Variants in TEAD4 observed in about 807,000 individuals in gnomAD.
TEAD4 encodes the protein transcriptional enhancer factor TEF-3.
TEAD4 carries 36 observed loss-of-function variants against 52.4 expected under a neutral mutation model. The ratio of observed to expected loss-of-function variants is 0.69; its 90% CI spans 0.53 to 0.91. TEAD4 has a LOEUF of 0.91. Among genes scored for constraint, TEAD4 ranks in the 40% least tolerant of loss-of-function variants. The probability of loss-of-function intolerance (pLI) is 0.00; values close to 1 mark genes in which losing one functional copy is unlikely to be tolerated. For synonymous variants in TEAD4, 220 were observed against 231.0 expected, an observed-to-expected ratio of 0.95 and a Z score of 0.43; for missense variants, 508 against 583.9, an observed-to-expected ratio of 0.87 and a Z score of 1.34.
In TEAD4 at chr12:3,035,641, G is replaced by A. The variant is rs111335237; in HGVS notation, c.898-2327G>A. 4.3e-3 allele frequency among the ~76,000 whole-genome samples: 656 copies of A among 152,120 alleles called. 7 individuals carry two copies. The highest frequency in any genetic ancestry group is 0.015 in the African/African-American group (603 of 41,500). On this transcript the variant is annotated intron_variant, in intron 10 of 12. Transcript: ENST00000359864. The stretch of plus-strand genomic sequence containing the variant: ...GTTTGAGACCAGCCTAGGAAACAGC[G>A]AGACCCTGCCTCTACAAAAAATTTA...
chr12:3,011,128 C>T, intron 4 of TEAD4, 60 bp downstream of exon 4: 6 of 1,589,320 alleles, frequency 3.8e-6, no homozygotes, highest in Non-Finnish European at 5.2e-6. Flanking sequence ...AGTCTGCTCC[C>T]AAGGTGGGCC....
At position 3,009,252 on chromosome 12, in the gene TEAD4, A is replaced by G. The variant is rs542661379; in HGVS notation, c.227-1752A>G. 6.6e-5 allele frequency among the ~76,000 whole-genome samples: 10 copies of G among 152,150 alleles called. No homozygotes were observed. The East Asian group carries it at 1.7e-3, about 27-fold the overall frequency. ...AGACCAGCCTGGCCAACATGGTGAA[A>G]CTCTGCCTCTACTTAAAATACAAAA... On this transcript the variant is annotated intron_variant, in intron 3 of 12. Transcript: ENST00000359864.
intron 2 of TEAD4, among the ~76,000 whole-genome samples, chr12:2,966,548 T>A (rs373558822): frequency 4.0e-5 from 6 of 151,152 alleles, no homozygotes; most frequent in Non-Finnish European, 8.8e-5. Context: ...GTAGCTGGGA[T>A]TACAAGCACA....
intron 2 of TEAD4, among the ~76,000 whole-genome samples, chr12:2,986,483 C>CA (rs906283279): frequency 2.7e-5 from 4 of 150,926 alleles, no homozygotes; most frequent in East Asian, 2.0e-4. Flanking sequence ...ACTAAAAATA[C>CA]AAAAAAATTA....
intron 5 of TEAD4, among the ~76,000 whole-genome samples, chr12:3,014,726 A>T (rs1193366441): frequency 6.6e-6 from 1 of 152,080 alleles, no homozygotes; most frequent in Non-Finnish European, 1.5e-5. Context: ...CCCTGGCTCC[A>T]TTGCCCGGCT....
chr12:2,960,428 A>C, intron 2 of TEAD4: 2 of 922,920 alleles, frequency 2.2e-6, no homozygotes, highest in Non-Finnish European at 2.6e-6. Context: ...CCTACACCTC[A>C]GGGCTTGGGA....
At chr12:3,023,034 G>T (rs149175784) in intron 10 of TEAD4, among the ~76,000 whole-genome samples, 1 of 152,202 alleles carries the variant, frequency 6.6e-6, no homozygotes, top group Non-Finnish European at 1.5e-5. Context: ...GCCGGCTCCC[G>T]GTGAGCAGCT....
At chr12:3,039,416 T>C (rs984160753) in intron 11 of TEAD4, among the ~76,000 whole-genome samples, 2 of 152,210 alleles carry the variant, frequency 1.3e-5, no homozygotes, top group Non-Finnish European at 2.9e-5. Context: ...GTTGATGCAG[T>C]CCACCAAGCT....
At chr12:3,015,416 G>A (rs565617045) in intron 5 of TEAD4, among the ~76,000 whole-genome samples, 23 of 152,342 alleles carry the variant, frequency 1.5e-4, no homozygotes, top group South Asian at 4.1e-4. Flanking sequence ...AAAACCTTCC[G>A]TGGGCTGCCT....
Position 2,985,718 on chromosome 12 carries a change from G to A in TEAD4, c.-29-9020G>A, listed in dbSNP as rs1204880185. Among the ~76,000 whole-genome samples the A allele has an allele frequency of 3.3e-5, 5 of 151,820 alleles. No individual in the cohort carries two copies. In the East Asian group the frequency reaches 1.0e-3, roughly 30 times the overall value. On this transcript the variant is annotated intron_variant, in intron 2 of 12. Coordinates refer to ENST00000359864, the MANE Select transcript of TEAD4 (RefSeq NM_003213.4). ...ACGGGGTTTCAGCATATTGGCCAGG[G>A]TGGCCTCGAGCTCCTGACCTCGTGA...
chr12:3,005,232 T>C (rs2098254887), intron 3 of TEAD4, among the ~76,000 whole-genome samples: 1 of 152,014 alleles, frequency 6.6e-6, no homozygotes, highest in African/African-American at 2.4e-5. Flanking sequence ...GACGGGGAGA[T>C]GTTGGTCAAA....
At chr12:3,035,287 T>C (rs1315401040) in intron 10 of TEAD4, among the ~76,000 whole-genome samples, 1 of 152,124 alleles carries the variant, frequency 6.6e-6, no homozygotes, top group Non-Finnish European at 1.5e-5. Context: ...CCATGCGCGG[T>C]TAAAATCTGA....
Position 2,994,925 on chromosome 12 carries a change from G to C in TEAD4, c.159G>C (p.Glu53Asp). Residue 53 changes from glutamate (E) to aspartate (D), a missense_variant, in exon 3 of 13, where the codon GAG (glutamate) becomes GAC (aspartate). Glu to Asp is a conservative substitution (Grantham distance 45). Coordinates refer to ENST00000359864, the MANE Select transcript of TEAD4 (RefSeq NM_003213.4). This position sits in a 1 kb window ranked among gnomAD's most constrained non-coding sequence, Gnocchi z 4.7. ...CGGATATTGAGCAGAGTTTCCAGGA[G>C]GCCCTCGCCATCTACCCGCCCTGTG... 1 of 1,614,192 alleles carries C rather than the reference G, an allele frequency of 6.2e-7. No individual in the cohort carries two copies. Among genetic ancestry groups the C allele is most frequent in the Non-Finnish European group, 8.5e-7 (1 of 1,180,018 alleles).
chr12:2,965,484 C>T (rs761738066), intron 2 of TEAD4, among the ~76,000 whole-genome samples: 1 of 151,042 alleles, frequency 6.6e-6, no homozygotes, highest in Non-Finnish European at 1.5e-5. Context: ...TAGTAGCCAC[C>T]TTAAAAAAAA....
At chr12:2,964,624 A>ATT (rs71057872) in intron 2 of TEAD4, among the ~76,000 whole-genome samples, 29 of 125,428 alleles carry the variant, frequency 2.3e-4, no homozygotes, top group East Asian at 4.6e-4. Context: ...CACCTGGCTA[A>ATT]TTTTTTTTTT....
intron 3 of TEAD4, among the ~76,000 whole-genome samples, chr12:3,007,981 T>C (rs886280559): frequency 1.3e-5 from 2 of 152,182 alleles, no homozygotes; most frequent in South Asian, 2.1e-4. Flanking sequence ...TCCCTCATCA[T>C]TCAGGCAGCA....
At chr12:3,016,604 GAAAA>G (rs375115024) in intron 5 of TEAD4, among the ~76,000 whole-genome samples, 1 of 129,552 alleles carries the variant, frequency 7.7e-6, no homozygotes, top group Non-Finnish European at 1.7e-5. Context: ...CCTGTCTCTG[GAAAA>G]AAAAAAAAAA....
intron 3 of TEAD4, among the ~76,000 whole-genome samples, chr12:2,999,014 C>T (rs1020532887): frequency 1.3e-5 from 2 of 152,188 alleles, no homozygotes; most frequent in East Asian, 1.9e-4. Context: ...GGCAGGACTG[C>T]GTGGGGACTG....
intron 2 of TEAD4, among the ~76,000 whole-genome samples, chr12:2,976,008 AT>A (rs61140040): frequency 6.2e-5 from 9 of 145,592 alleles, no homozygotes; most frequent in East Asian, 2.0e-4. Flanking sequence ...TTCATAGCTC[AT>A]TTTTTTTTTT....
Sources: allele counts gnomAD v4.1 joint callset (sites outside exome capture counted in the v4.1 genomes callset), GRCh38; gene constraint gnomAD v4.1.1; non-coding constraint Gnocchi (gnomAD v3.1); transcripts MANE v1.5; gene names NCBI Gene and HGNC (gene_info 2026-07-23, HGNC 2026-07-21).